The following COBL variants were observed in gnomAD, a reference collection of about 807,000 sequenced individuals.
COBL encodes protein cordon-bleu.
A neutral mutation model predicts 98.8 loss-of-function variants in COBL; 51 were observed. The ratio of observed to expected loss-of-function variants is 0.52; its 90% CI spans 0.41 to 0.65. The LOEUF is 0.65. Among genes scored for constraint, COBL ranks in the 30% least tolerant of loss-of-function variants. COBL has a pLI of 0.00. For synonymous variants in COBL, 634 were observed against 651.7 expected, an observed-to-expected ratio of 0.97 and a Z score of 0.41; for missense variants, 1,617 against 1,617.5, an observed-to-expected ratio of 1.00 and a Z score of 0.01.
At chr7:51,164,183 TTC>T (rs1177257456) in intron 5 of COBL, among the ~76,000 whole-genome samples, 1 of 152,184 alleles carries the variant, frequency 6.6e-6, no homozygotes, top group Non-Finnish European at 1.5e-5. Context: ...TATTAATATT[TTC>T]TCTGAGGTCA....
chr7:51,315,212 A>G (rs984500135), intron 1 of COBL, among the ~76,000 whole-genome samples: 7 of 150,846 alleles, frequency 4.6e-5, no homozygotes, highest in African/African-American at 1.7e-4. Context: ...CTTTCTGGGG[A>G]ATTTGTTTGT....
At chr7:51,159,363 G>A (rs546486710) in intron 5 of COBL, among the ~76,000 whole-genome samples, 152 of 152,272 alleles carry the variant, frequency 1.0e-3, no homozygotes, top group Non-Finnish European at 1.5e-3. Context: ...GAGAGCAAAG[G>A]GGGCAAAGAG....
chr7:51,026,509 G>C, intron 11 of COBL, 37 bp downstream of exon 11: 2 of 1,606,972 alleles, frequency 1.2e-6, no homozygotes, highest in Non-Finnish European at 8.5e-7. Flanking sequence ...GGGTGGGTTT[G>C]AGCTCCTGGC....
chr7:51,204,370 G>A (rs1334556776), intron 2 of COBL, among the ~76,000 whole-genome samples: 1 of 152,102 alleles, frequency 6.6e-6, no homozygotes, highest in Non-Finnish European at 1.5e-5. Context: ...CTAGCCAGAG[G>A]CATTGGACAA....
At chr7:51,177,480 AAAG>A (rs1180202669) in intron 5 of COBL, among the ~76,000 whole-genome samples, 2 of 152,298 alleles carry the variant, frequency 1.3e-5, no homozygotes, top group South Asian at 4.1e-4. Flanking sequence ...TTTTGGTTTT[AAAG>A]AAGATTATAG....
intron 5 of COBL, among the ~76,000 whole-genome samples, chr7:51,176,164 T>C (rs1316326054): frequency 1.3e-5 from 2 of 152,208 alleles, no homozygotes; most frequent in African/African-American, 4.8e-5. Flanking sequence ...TGCACCTCTT[T>C]GGAGATACTT....
intron 1 of COBL, among the ~76,000 whole-genome samples, chr7:51,288,387 T>C (rs28686870): frequency 7.8e-4 from 102 of 130,046 alleles, no homozygotes; most frequent in African/African-American, 2.9e-3. Flanking sequence ...TGAGCTGAGA[T>C]CCCGCCACTG....
chr7:51,302,883 G>A (rs983113268), intron 1 of COBL, among the ~76,000 whole-genome samples: 2 of 152,132 alleles, frequency 1.3e-5, no homozygotes, highest in Non-Finnish European at 2.9e-5. Context: ...ATCAGAGAGT[G>A]TTACAGACGC....
At chr7:51,271,840 G>C (rs1189178089) in intron 1 of COBL, among the ~76,000 whole-genome samples, 1 of 152,182 alleles carries the variant, frequency 6.6e-6, no homozygotes, top group Non-Finnish European at 1.5e-5. Flanking sequence ...AGACCAGTTT[G>C]GCCAACATGG....
At chr7:51,207,163 C>T (rs1215340964) in intron 2 of COBL, among the ~76,000 whole-genome samples, 1 of 151,834 alleles carries the variant, frequency 6.6e-6, no homozygotes, top group African/African-American at 2.4e-5. Flanking sequence ...AATTACACTC[C>T]CAATAAAGCT....
At chr7:51,035,270 C>A (rs1453177615) in intron 8 of COBL, 1 of 152,024 alleles carries the variant, frequency 6.6e-6, no homozygotes, top group East Asian at 1.9e-4. Flanking sequence ...GGAGAATGGG[C>A]TGAATCTGAC....
rs763260495 is a variant in COBL at position 51,025,160 on chromosome 7, T to C, written c.3717A>G (p.Gln1239=). 1.1e-4 allele frequency: 177 copies of C among 1,610,726 alleles called. 2 individuals are homozygous for C. The highest frequency in any genetic ancestry group is 1.1e-3 in the South Asian group (98 of 90,908). ...GTLSNTADAR[Q]ALMDAIRSGT... ...CGGAGCGGATGGCGTCCATCAAGGCTTGCCTTGCGTCTGCGGTGTTGCTGA... is the reference window on the plus strand; with the variant it reads ...CGGAGCGGATGGCGTCCATCAAGGCCTGCCTTGCGTCTGCGGTGTTGCTGA... The change falls in exon 12 of 13, where the codon CAA becomes CAG. Residue 1239 remains glutamine, a synonymous_variant. Coordinates refer to ENST00000265136, the MANE Select transcript of COBL (RefSeq NM_015198.5).
intron 7 of COBL, among the ~76,000 whole-genome samples, chr7:51,044,533 G>C (rs1789511670): frequency 6.6e-6 from 1 of 152,210 alleles, no homozygotes; most frequent in African/African-American, 2.4e-5. Context: ...GTCTAGCCCA[G>C]ATGTATATTA....
chr7:51,101,115 C>T (rs1426545342), intron 6 of COBL, among the ~76,000 whole-genome samples: 1 of 152,176 alleles, frequency 6.6e-6, no homozygotes, highest in African/African-American at 2.4e-5. Flanking sequence ...AAGTTAATAA[C>T]ATCTATTCAA....
chr7:51,286,913 G>A (rs932816018), intron 1 of COBL, among the ~76,000 whole-genome samples: 12 of 152,124 alleles, frequency 7.9e-5, no homozygotes, highest in South Asian at 2.1e-4. Context: ...ATACACCATC[G>A]AATACTACAC....
chr7:51,264,746 T>C (rs188568423), intron 1 of COBL, among the ~76,000 whole-genome samples: 6 of 150,684 alleles, frequency 4.0e-5, no homozygotes, highest in African/African-American at 1.5e-4. Context: ...TAAATGCACA[T>C]TGATAACATC....
intron 5 of COBL, among the ~76,000 whole-genome samples, chr7:51,174,981 C>A (rs770759839): frequency 3.9e-5 from 6 of 152,178 alleles, no homozygotes; most frequent in Non-Finnish European, 7.3e-5. Flanking sequence ...GCTCTTGGTA[C>A]CAGCAACATA....
In COBL at chr7:51,154,831, G is replaced by A. The variant is rs539919598; in HGVS notation, c.784-18500C>T. 6.0e-4 allele frequency among the ~76,000 whole-genome samples: 92 copies of A among 152,260 alleles called. 1 individual carries two copies. Among genetic ancestry groups the A allele is most frequent in the Admixed American group, 7.2e-4 (11 of 15,290 alleles). ...CAGCATTCACCATTTTCCTTTTTCCGTGTGTAACTTTTGCTTACACTACTG... is the reference window on the plus strand; with the variant it reads ...CAGCATTCACCATTTTCCTTTTTCCATGTGTAACTTTTGCTTACACTACTG... On this transcript the variant is annotated intron_variant, in intron 5 of 12. Transcript: ENST00000265136.
chr7:51,162,940 T>A (rs545689763), intron 5 of COBL, among the ~76,000 whole-genome samples: 2 of 152,326 alleles, frequency 1.3e-5, no homozygotes, highest in South Asian at 4.1e-4. Context: ...CAATACTCAC[T>A]GCAATGTTTC....
Sources: allele counts gnomAD v4.1 joint callset (sites outside exome capture counted in the v4.1 genomes callset), GRCh38; gene constraint gnomAD v4.1.1; transcripts MANE v1.5; gene names NCBI Gene and HGNC (gene_info 2026-07-23, HGNC 2026-07-21).